The following PLSCR1 variants were observed in gnomAD, a reference collection of about 807,000 sequenced individuals.
The protein encoded by PLSCR1 is phospholipid scramblase 1.
A neutral mutation model predicts 37.8 loss-of-function variants in PLSCR1; 17 were observed. That is an observed-to-expected ratio of 0.45 (90% CI 0.31 to 0.68). The LOEUF (loss-of-function observed/expected upper bound fraction) is 0.68. Ranked by LOEUF, PLSCR1 falls within the 30% of genes least tolerant of loss-of-function variation. PLSCR1 has a pLI of 0.06. For synonymous variants in PLSCR1, 116 were observed against 125.9 expected (o/e 0.92, Z 0.53); for missense variants, 347 against 380.9 (o/e 0.91, Z 0.74).
intron 1 of PLSCR1, among the ~76,000 whole-genome samples, chr3:146,544,058 C>G (rs2044372228): frequency 6.6e-6 from 1 of 152,202 alleles, no homozygotes; most frequent in South Asian, 2.1e-4. Context: ...CCCCACTACG[C>G]TGGCACATGC....
At chr3:146,534,749 G>A (rs980498509) in intron 2 of PLSCR1, among the ~76,000 whole-genome samples, 8 of 151,980 alleles carry the variant, frequency 5.3e-5, no homozygotes, top group Non-Finnish European at 1.0e-4. Flanking sequence ...GGTGGCACGC[G>A]CCTGTAGTCC....
At chr3:146,532,565 G>C (rs992878957) in intron 3 of PLSCR1, among the ~76,000 whole-genome samples, 1 of 152,176 alleles carries the variant, frequency 6.6e-6, no homozygotes. Context: ...TGAGATCCGG[G>C]ACCCGCAGGG....
intron 4 of PLSCR1, among the ~76,000 whole-genome samples, chr3:146,526,007 C>T (rs1398816599): frequency 6.6e-6 from 1 of 151,014 alleles, no homozygotes; most frequent in Non-Finnish European, 1.5e-5. Context: ...CATGGTGAAA[C>T]CCTGTCTCTA....
At chr3:146,525,769 C>G (rs1172864541) in intron 4 of PLSCR1, 122 bp from the exon 5 acceptor site, 5 of 503,124 alleles carry the variant, frequency 9.9e-6, no homozygotes, top group Non-Finnish European at 1.8e-5. Context: ...CAATATTTAA[C>G]AGCTTATATT....
At position 146,515,541 on chromosome 3, in the gene PLSCR1, T is replaced by C. The variant is rs1485722810; in HGVS notation, c.*504A>G. 2.0e-5 allele frequency: 3 copies of C among 152,082 alleles called. No homozygotes were observed. In the East Asian group the frequency reaches 5.8e-4, roughly 29 times the overall value. The allele number at this position is 152,082 out of a possible 1,614,324, so 9.4% of individuals were successfully genotyped here. ...AGAAGTTAAGTGTAGCATGATTTCT[T>C]GAAGATTAAAAAAACATTTAACTTT... On this transcript the variant is annotated 3_prime_UTR_variant, in exon 9 of 9. Transcript: ENST00000342435.
intron 1 of PLSCR1, among the ~76,000 whole-genome samples, chr3:146,542,438 T>C (rs1385294009): frequency 6.6e-6 from 1 of 152,176 alleles, no homozygotes; most frequent in East Asian, 1.9e-4. Context: ...TCTATGACGT[T>C]CTCACAACCA....
intron 1 of PLSCR1, among the ~76,000 whole-genome samples, chr3:146,537,354 G>C (rs559112988): frequency 6.6e-6 from 1 of 151,876 alleles, no homozygotes; most frequent in Non-Finnish European, 1.5e-5. Flanking sequence ...ATCCCTTTTA[G>C]CGACAATGCA....
chr3:146,526,183 C>CAAAAA (rs60229241), intron 4 of PLSCR1, among the ~76,000 whole-genome samples: 298 of 41,388 alleles, frequency 7.2e-3, no homozygotes, highest in Non-Finnish European at 8.3e-3. Flanking sequence ...GACTCCATCT[C>CAAAAA]AAAAAAAAAA....
At position 146,525,598 on chromosome 3, in the gene PLSCR1, T is replaced by C. The variant is rs1284031944; in HGVS notation, c.355+7A>G. ...ATAGAAACAGGATTAAAACAATGAA[T>C]ACATACCTTCCAGAAGTTCAATTTG... is the stretch of plus-strand genomic sequence containing the variant. On this transcript the variant is annotated splice_region_variant and intron_variant, in intron 5 of 8. Coordinates refer to ENST00000342435, the MANE Select transcript of PLSCR1 (RefSeq NM_021105.3). The C allele has an allele frequency of 2.1e-6, 3 of 1,438,286 alleles. No homozygotes were observed. Among genetic ancestry groups the C allele is most frequent in the Non-Finnish European group, 2.9e-6 (3 of 1,025,756 alleles). 89.1% of individuals were successfully genotyped at this position (1,438,286 alleles called of 1,614,324 possible). A position where few individuals can be genotyped will look rare whatever the true frequency, so the allele number is the denominator to read the frequency against.
At chr3:146,535,646 C>T (rs1380246974) in intron 2 of PLSCR1, among the ~76,000 whole-genome samples, 1 of 152,054 alleles carries the variant, frequency 6.6e-6, no homozygotes, top group Non-Finnish European at 1.5e-5. Context: ...TAAAAGTTGC[C>T]TATGACCATC....
chr3:146,543,437 TG>T (rs1576802142), intron 1 of PLSCR1, among the ~76,000 whole-genome samples: 1 of 152,186 alleles, frequency 6.6e-6, no homozygotes, highest in African/African-American at 2.4e-5. Context: ...GTAAACAGGG[TG>T]GCATTAAGAC....
intron 5 of PLSCR1, among the ~76,000 whole-genome samples, chr3:146,524,384 T>C (rs1355301967): frequency 2.6e-5 from 4 of 151,840 alleles, no homozygotes; most frequent in Non-Finnish European, 5.9e-5. Context: ...ATCTTTTTTA[T>C]ACCACTCATG....
At chr3:146,524,489 T>C (rs1030854625) in intron 5 of PLSCR1, among the ~76,000 whole-genome samples, 3 of 151,932 alleles carry the variant, frequency 2.0e-5, no homozygotes, top group African/African-American at 4.8e-5. Flanking sequence ...TTAAAAACTG[T>C]TAGATTTGGA....
At chr3:146,533,416 C>A in intron 3 of PLSCR1, 54 bp downstream of exon 3, 1 of 945,380 alleles carries the variant, frequency 1.1e-6, no homozygotes, top group South Asian at 1.5e-5. Context: ...CTCTCACTCT[C>A]TCTCTCTGTC....
intron 1 of PLSCR1, among the ~76,000 whole-genome samples, chr3:146,538,604 T>A (rs1311624265): frequency 6.6e-6 from 1 of 152,142 alleles, no homozygotes; most frequent in Non-Finnish European, 1.5e-5. Context: ...AAGAAACTAG[T>A]GTTTCAATTA....
intron 1 of PLSCR1, among the ~76,000 whole-genome samples, chr3:146,543,918 G>C (rs1347946232): frequency 2.6e-5 from 4 of 152,294 alleles, no homozygotes; most frequent in East Asian, 3.9e-4. Context: ...AACCGTGCTA[G>C]ATACCGCCAC....
At chr3:146,535,761 A>G (rs187539450) in intron 2 of PLSCR1, among the ~76,000 whole-genome samples, 300 of 152,282 alleles carry the variant, frequency 2.0e-3, no homozygotes, top group Non-Finnish European at 3.4e-3. Flanking sequence ...TGAGTTTTGT[A>G]AGTAAAAAGA....
At chr3:146,529,489 G>A (rs957151776) in intron 3 of PLSCR1, among the ~76,000 whole-genome samples, 4 of 151,780 alleles carry the variant, frequency 2.6e-5, no homozygotes, top group African/African-American at 9.7e-5. Flanking sequence ...ACTGTTGAAG[G>A]TGAAAGCACG....
At chr3:146,529,981 T>G (rs763691450) in intron 3 of PLSCR1, among the ~76,000 whole-genome samples, 7 of 152,194 alleles carry the variant, frequency 4.6e-5, no homozygotes, top group Non-Finnish European at 8.8e-5. Flanking sequence ...TTAACATCCT[T>G]TGGTCTCTGG....
Sources: gnomAD v4.1 joint callset for allele counts (sites outside exome capture counted in the v4.1 genomes callset) on GRCh38, gnomAD v4.1.1 for gene constraint, MANE v1.5 for transcripts, NCBI Gene and HGNC (gene_info 2026-07-23, HGNC 2026-07-21) for gene names.